RADIL: variants seen among roughly 807,000 people sequenced by gnomAD.
RADIL encodes Rap associating with DIL domain, also known as ras-associating and dilute domain-containing protein.
RADIL carries 99 observed loss-of-function variants against 97.6 expected under a neutral mutation model. The ratio of observed to expected loss-of-function variants is 1.01; its 90% CI spans 0.86 to 1.20. The LOEUF (loss-of-function observed/expected upper bound fraction) is 1.20, where lower values mean the gene tolerates loss of function less well. RADIL is among the 50% of genes most tolerant of loss of function. The pLI, the probability that RADIL is intolerant of heterozygous loss-of-function variation, is 0.00. For missense variants in RADIL, 1,765 were observed against 1,498.9 expected (o/e 1.18, Z -2.93); for synonymous variants, 803 against 691.8 (o/e 1.16, Z -2.52).
At chr7:4,865,947 AG>A in intron 2 of RADIL, 1 of 579,792 alleles carries the variant, frequency 1.7e-6, no homozygotes, top group Admixed American at 3.0e-5. Flanking sequence ...GTAACCTAGG[AG>A]CAATAGGCTA....
At chr7:4,863,762 G>C (rs796325188) in intron 2 of RADIL, among the ~76,000 whole-genome samples, 1 of 152,286 alleles carries the variant, frequency 6.6e-6, no homozygotes, top group South Asian at 2.1e-4. Context: ...CACCCTTTGA[G>C]GATTCCAATT....
chr7:4,809,469 C>G, intron 9 of RADIL: 1 of 985,382 alleles, frequency 1.0e-6, no homozygotes, highest in South Asian at 4.7e-5. Flanking sequence ...ACGAATTTCC[C>G]CCGAGGAACA....
chr7:4,813,117 CTTTT>C lies in RADIL; in HGVS notation c.2139+2157_2139+2160del, dbSNP rs1229444788. 2.0e-5 allele frequency among the ~76,000 whole-genome samples: 3 copies of C among 146,910 alleles called. No homozygotes were observed. Among genetic ancestry groups the C allele is most frequent in the Non-Finnish European group, 4.5e-5 (3 of 66,910 alleles). On this transcript the variant is annotated intron_variant, in intron 9 of 14. Coordinates refer to ENST00000399583, the MANE Select transcript of RADIL (RefSeq NM_018059.5). The surrounding 1 kb of genome is among the most constrained non-coding windows in gnomAD (Gnocchi z 5.0). ...CTCTCTCTCTTTCCTTTCTTTCTTT[CTTTT>C]CTTTCTTTCATAGTTGAGGTCTTCC...
Position 4,816,310 on chromosome 7 carries a change from C to T in RADIL, c.1884G>A (p.Val628=), listed in dbSNP as rs752325920. 1 of 1,612,310 alleles carries T rather than the reference C, an allele frequency of 6.2e-7. No homozygotes were observed. Among genetic ancestry groups the T allele is most frequent in the Non-Finnish European group, 8.5e-7 (1 of 1,179,816 alleles). ...GCATCTGCGAGGCCACCTCGGGGTG[C>T]ACCTGCAGCTGCCGCAGGAGGTCCA... The part of the protein sequence containing the change: ...AALDLLRQLQ[V]HPEVASQMLA... Residue 628 remains valine, a synonymous_variant, in exon 8 of 15, where the codon GTG becomes GTA. Coordinates refer to ENST00000399583, the MANE Select transcript of RADIL (RefSeq NM_018059.5).
rs115486601 is a variant in RADIL, at chr7:4,872,027, A to C, written c.535+5578T>G. Among the ~76,000 whole-genome samples, 3,441 of 152,088 alleles carry C rather than the reference A, an allele frequency of 0.023. 138 individuals carry two copies. Among genetic ancestry groups the C allele is most frequent in the African/African-American group, 0.08 (3,310 of 41,478 alleles). On this transcript the variant is annotated intron_variant, in intron 2 of 14. Coordinates refer to ENST00000399583, the MANE Select transcript of RADIL (RefSeq NM_018059.5). This position sits in a 1 kb window ranked among gnomAD's most constrained non-coding sequence, Gnocchi z 5.8. ...GACTCTGCACGTCACCATCCCTGAG[A>C]CCCTGGGTTTGCCAGGCACCCAGCC...
In RADIL at chr7:4,798,037, C is replaced by A. The variant is rs183094511; in HGVS notation, c.*1341G>T. 6.8e-6 allele frequency: 1 copy of A among 147,258 alleles called. No homozygotes were observed. Among genetic ancestry groups the A allele is most frequent in the Non-Finnish European group, 1.5e-5 (1 of 67,126 alleles). 9.1% of individuals were successfully genotyped at this position (147,258 alleles called of 1,614,324 possible). ...ATATAAAAAATGTTTATAAAATATA[C>A]GAATATATTACGTATACATGAATAT... On this transcript the variant is annotated 3_prime_UTR_variant, in exon 15 of 15. Transcript: ENST00000399583.
At chr7:4,851,948 C>G (rs1783718937) in intron 2 of RADIL, among the ~76,000 whole-genome samples, 2 of 152,196 alleles carry the variant, frequency 1.3e-5, no homozygotes, top group African/African-American at 4.8e-5. Context: ...TCAGTAGAGT[C>G]AGGGTGTTCC....
chr7:4,869,665 C>G (rs1163318863), intron 2 of RADIL, among the ~76,000 whole-genome samples: 1 of 152,022 alleles, frequency 6.6e-6, no homozygotes, highest in African/African-American at 2.4e-5. Flanking sequence ...TGCATCTGCA[C>G]TCTCTCTTCT....
At chr7:4,800,394 T>C in intron 12 of RADIL, 84 bp from the exon 13 acceptor site, 3 of 1,344,856 alleles carry the variant, frequency 2.2e-6, no homozygotes, top group Admixed American at 3.4e-5. Context: ...TGGCTGCCTC[T>C]GTAGGGCGTC....
Position 4,835,195 on chromosome 7 carries a change from G to T in RADIL, c.828C>A (p.Gly276=), listed in dbSNP as rs13232738. The change falls in exon 4 of 15, where the codon GGC becomes GGA. Residue 276 remains glycine, a synonymous_variant. Coordinates refer to ENST00000399583, the MANE Select transcript of RADIL (RefSeq NM_018059.5). The surrounding 1 kb of genome is among the most constrained non-coding windows in gnomAD (Gnocchi z 5.8). ...TGGGCTTGCTGGAGGGGGTCCGCTG[G>T]CCCACCGTGTGCCGGTCCCGGTTGA... ...YVLNRDRHTV[G]QRTPSSKPSI... 2 of 1,611,752 alleles carry T rather than the reference G, an allele frequency of 1.2e-6. No individual in the cohort carries two copies. Among genetic ancestry groups the T allele is most frequent in the Non-Finnish European group, 8.5e-7 (1 of 1,179,812 alleles).
At chr7:4,807,607 CCTT>C (rs1162098554) in intron 9 of RADIL, among the ~76,000 whole-genome samples, 1 of 90,276 alleles carries the variant, frequency 1.1e-5, no homozygotes, top group Admixed American at 1.1e-4. Context: ...TCCTCCCTCT[CCTT>C]CTCTCTCCCC....
chr7:4,820,943 G>A (rs1340935373), intron 6 of RADIL, among the ~76,000 whole-genome samples: 1 of 152,198 alleles, frequency 6.6e-6, no homozygotes. Context: ...GCACAGCAGG[G>A]TCCCAGCGCC....
At chr7:4,850,791 C>T (rs1783690146) in intron 2 of RADIL, among the ~76,000 whole-genome samples, 1 of 152,208 alleles carries the variant, frequency 6.6e-6, no homozygotes, top group Non-Finnish European at 1.5e-5. Flanking sequence ...ACCTTGAGTG[C>T]AGCCGTGTGA....
rs140900725 is a variant in RADIL, at chr7:4,802,141, C to T, written c.2500-146G>A. The T allele has an allele frequency of 6.8e-3, 4,568 of 670,876 alleles. 14 individuals are homozygous for T. The highest frequency in any genetic ancestry group is 9.8e-3 in the Non-Finnish European group (3,975 of 405,702). The allele number at this position is 670,876 out of a possible 1,614,324, so 41.6% of individuals were successfully genotyped here. A position where few individuals can be genotyped will look rare whatever the true frequency, so the allele number is the denominator to read the frequency against. On this transcript the variant is annotated intron_variant, in intron 11 of 14. Coordinates refer to ENST00000399583, the MANE Select transcript of RADIL (RefSeq NM_018059.5). ...CTCCCGCAGCCTGTGCAGCTTGAGA[C>T]GCGCAAGAGGCAAAGGGGCTTCCCC...
intron 2 of RADIL, chr7:4,861,847 C>CACCGCGACCTTCACGTCCCCCACG: frequency 7.2e-7 from 1 of 1,395,918 alleles, no homozygotes; most frequent in African/African-American, 1.5e-5. Flanking sequence ...CGTCCCCCAC[C>CACCGCGACCTTCACGTCCCCCACG]ACCGCGACCT....
chr7:4,836,111 A>T (rs1220136930), intron 3 of RADIL, among the ~76,000 whole-genome samples: 3 of 152,212 alleles, frequency 2.0e-5, no homozygotes, highest in African/African-American at 7.2e-5. Context: ...TGCTGAGGGC[A>T]CCCACTCTGG....
At position 4,822,807 on chromosome 7, in the gene RADIL, A is replaced by T. The variant is rs1782871694; in HGVS notation, c.1455-253T>A. On this transcript the variant is annotated intron_variant, in intron 5 of 14. Transcript: ENST00000399583. The surrounding 1 kb of genome is among the most constrained non-coding windows in gnomAD (Gnocchi z 5.3). ...TGGGCGCCACAGCCATTGGTAAAAAACCTCGGTAAGTAGATGGCTTGCATG... is the reference window on the plus strand; with the variant it reads ...TGGGCGCCACAGCCATTGGTAAAAATCCTCGGTAAGTAGATGGCTTGCATG... 6.6e-6 allele frequency among the ~76,000 whole-genome samples: 1 copy of T among 152,028 alleles called. No homozygotes were observed. Among genetic ancestry groups the T allele is most frequent in the African/African-American group, 2.4e-5 (1 of 41,376 alleles).
chr7:4,860,178 T>C (rs1240060072), intron 2 of RADIL: 1 of 1,614,020 alleles, frequency 6.2e-7, no homozygotes, highest in African/African-American at 1.3e-5. Flanking sequence ...AATGGGCCTG[T>C]CTTCATAGTG....
At chr7:4,816,028 A>C (rs1362453731) in intron 8 of RADIL, among the ~76,000 whole-genome samples, 200 bp downstream of exon 8, 1 of 151,990 alleles carries the variant, frequency 6.6e-6, no homozygotes, top group Non-Finnish European at 1.5e-5. Flanking sequence ...CCCCGATGGG[A>C]CCCTGGCTCC....
Sources: gnomAD v4.1 joint callset for allele counts (sites outside exome capture counted in the v4.1 genomes callset) on GRCh38, gnomAD v4.1.1 for gene constraint, Gnocchi (gnomAD v3.1) non-coding constraint, MANE v1.5 for transcripts, NCBI Gene and HGNC (gene_info 2026-07-23, HGNC 2026-07-21) for gene names.